CLUAP1: variants seen among roughly 807,000 people sequenced by gnomAD.
CLUAP1 encodes intraflagellar transport 38.
In CLUAP1, 50 loss-of-function variants were observed where a neutral mutation model predicts 55.0. That is an observed-to-expected ratio of 0.91 (90% CI 0.72 to 1.15). CLUAP1 has a LOEUF of 1.15. CLUAP1 is among the 50% of genes most tolerant of loss of function. CLUAP1 has a pLI of 0.00. For synonymous variants in CLUAP1, 195 were observed against 175.4 expected, an observed-to-expected ratio of 1.11 and a Z score of -0.88; for missense variants, 530 against 507.6, an observed-to-expected ratio of 1.04 and a Z score of -0.42.
At chr16:3,506,517 CTT>C in intron 3 of CLUAP1, 102 bp downstream of exon 3, 1 of 953,628 alleles carries the variant, frequency 1.0e-6, no homozygotes, top group Non-Finnish European at 1.6e-6. Flanking sequence ...GTTTTTCTTT[CTT>C]TTTTTTTGAG....
intron 6 of CLUAP1, among the ~76,000 whole-genome samples, chr16:3,516,850 CAGG>C (rs1303321718): frequency 3.9e-5 from 6 of 152,134 alleles, no homozygotes; most frequent in Admixed American, 3.3e-4. Flanking sequence ...CAGAGTTGGG[CAGG>C]AGAAGTACGA....
intron 7 of CLUAP1, among the ~76,000 whole-genome samples, chr16:3,520,658 C>T (rs138113487): frequency 1.9e-3 from 291 of 152,246 alleles, no homozygotes; most frequent in African/African-American, 6.4e-3. Flanking sequence ...GAAATCCAGA[C>T]GTGGTCTCCT....
intron 4 of CLUAP1, among the ~76,000 whole-genome samples, chr16:3,509,305 A>G (rs944482096): frequency 6.6e-6 from 1 of 152,162 alleles, no homozygotes; most frequent in East Asian, 1.9e-4. Context: ...AGGCCGTGTG[A>G]TGAGGGTTGG....
At chr16:3,504,167 C>A (rs2037459942) in intron 1 of CLUAP1, among the ~76,000 whole-genome samples, 1 of 152,140 alleles carries the variant, frequency 6.6e-6, no homozygotes, top group Admixed American at 6.5e-5. Context: ...TTCAACCACT[C>A]TATTTAAGAT....
In CLUAP1 at chr16:3,515,533, G is replaced by A; in HGVS notation, c.521G>A (p.Arg174Lys). Residue 174 changes from arginine to lysine, a missense_variant, in exon 6 of 12, where the codon AGA becomes AAA. Transcript: ENST00000576634. ...LREMRTEAIA[R>K]PLEINETEKV... ...GAAATGAGAACAGAAGCCATTGCCA[G>A]ACCTCTGGAAATAAACGAGACTGAA... is the stretch of plus-strand genomic sequence containing the variant. 1 of 1,600,518 alleles carries A rather than the reference G, an allele frequency of 6.2e-7. No homozygotes were observed. The highest frequency in any genetic ancestry group is 1.8e-5 in the Admixed American group (1 of 55,502).
Position 3,529,728 on chromosome 16 carries a change from TA to T in CLUAP1, c.929-839del, listed in dbSNP as rs1567440189. On this transcript the variant is annotated intron_variant, in intron 9 of 11. Transcript: ENST00000576634. The stretch of plus-strand genomic sequence containing the variant: ...ATATATTATATAATATTATATATTA[TA>T]TATATTATTATATATTATATATTAT... 1.9e-4 allele frequency among the ~76,000 whole-genome samples: 6 copies of T among 31,324 alleles called. 2 individuals are homozygous for T. The highest frequency in any genetic ancestry group is 3.0e-4 in the Non-Finnish European group (6 of 20,048). 20.5% of individuals were successfully genotyped at this position (31,324 alleles called of 152,430 possible).
intron 5 of CLUAP1, among the ~76,000 whole-genome samples, chr16:3,513,957 T>TC (rs2037682989): frequency 6.6e-6 from 1 of 152,312 alleles, no homozygotes; most frequent in South Asian, 2.1e-4. Context: ...GAAGAGGGAC[T>TC]TAGGTGCTAG....
intron 9 of CLUAP1, 112 bp downstream of exon 9, chr16:3,526,596 TC>T: frequency 1.8e-6 from 1 of 544,952 alleles, no homozygotes; most frequent in Non-Finnish European, 2.6e-6. Flanking sequence ...CTTCTTTTTT[TC>T]AGCAGTTTTT....
In CLUAP1 at chr16:3,524,672, G is replaced by T. The variant is rs2037907984; in HGVS notation, c.855+1373G>T. Among the ~76,000 whole-genome samples, 3 of 151,888 alleles carry T rather than the reference G, an allele frequency of 2.0e-5. No homozygotes were observed. The South Asian group carries it at 6.2e-4, about 32-fold the overall frequency. On this transcript the variant is annotated intron_variant, in intron 8 of 11. Transcript: ENST00000576634. ...ATTGAATCACCAGAATAGCTCATTGGAGATTGTTTTGTAAAGAGGAATGGC... is the reference window on the plus strand; with the variant it reads ...ATTGAATCACCAGAATAGCTCATTGTAGATTGTTTTGTAAAGAGGAATGGC...
At chr16:3,496,175 G>T, upstream of CLUAP1, 1 of 512,228 alleles carries the variant, frequency 2.0e-6, no homozygotes, top group Non-Finnish European at 3.7e-6. Context: ...CATCTTTCCG[G>T]ACCTGGCCAA....
At position 3,538,297 on chromosome 16, in the gene CLUAP1, T is replaced by C. The variant is rs2038275063; in HGVS notation, c.*2026T>C. ...CTTTTTTCTCTTTCTTTTCCTAAAT[T>C]TTATGTATAAGATTACCCCTAAAAA... On this transcript the variant is annotated 3_prime_UTR_variant, in exon 12 of 12. Transcript: ENST00000576634. 6.6e-6 allele frequency: 1 copy of C among 151,646 alleles called. No individual in the cohort carries two copies. Among genetic ancestry groups the C allele is most frequent in the Non-Finnish European group, 1.5e-5 (1 of 67,936 alleles). The allele number at this position is 151,646 out of a possible 1,614,324, so 9.4% of individuals were successfully genotyped here. A position where few individuals can be genotyped will look rare whatever the true frequency, so the allele number is the denominator to read the frequency against.
rs144758956 is a variant in CLUAP1 at position 3,532,781 on chromosome 16, C to G, written c.1037-5C>G. The stretch of plus-strand genomic sequence containing the variant: ...ATGACTTCTTCATGCTTTTGTTGTT[C>G]TCAGGAAGACCTGGCAAACGCATTG... On this transcript the variant is annotated splice_region_variant and splice_polypyrimidine_tract_variant and intron_variant, in intron 10 of 11. Coordinates refer to ENST00000576634, the MANE Select transcript of CLUAP1 (RefSeq NM_015041.3). 2 of 1,613,930 alleles carry G rather than the reference C, an allele frequency of 1.2e-6. No individual in the cohort carries two copies. Among genetic ancestry groups the G allele is most frequent in the African/African-American group, 1.3e-5 (1 of 74,966 alleles).
intron 9 of CLUAP1, among the ~76,000 whole-genome samples, chr16:3,528,929 C>T (rs2038001509): frequency 6.6e-6 from 1 of 152,130 alleles, no homozygotes; most frequent in African/African-American, 2.4e-5. Context: ...TCAGTGTCAG[C>T]ATGCATTAAT....
chr16:3,536,096 T>C (rs759625818), intron 11 of CLUAP1, 26 bp from the exon 12 acceptor site: 5 of 1,611,792 alleles, frequency 3.1e-6, no homozygotes, highest in Non-Finnish European at 4.2e-6. Context: ...GGATCCCCCG[T>C]TGCATCTGCC....
intron 3 of CLUAP1, among the ~76,000 whole-genome samples, chr16:3,507,195 T>TA (rs771481481): frequency 0.02 from 2,614 of 131,478 alleles, 65 homozygotes; most frequent in African/African-American, 0.058. Context: ...GACTCTGTCT[T>TA]AAAAAAAAAA....
chr16:3,529,802 TTATA>T (rs1194999821), intron 9 of CLUAP1, among the ~76,000 whole-genome samples: 4 of 25,826 alleles, frequency 1.5e-4, no homozygotes, highest in African/African-American at 6.1e-4. Flanking sequence ...TATTATATTA[TTATA>T]TATATATTAT....
chr16:3,508,665 T>C (rs2037557120), intron 4 of CLUAP1, among the ~76,000 whole-genome samples, 197 bp downstream of exon 4: 1 of 152,142 alleles, frequency 6.6e-6, no homozygotes, highest in Admixed American at 6.5e-5. Flanking sequence ...AGCTTAGTAT[T>C]TGTCAGGTAG....
At chr16:3,519,610 A>G (rs1440465873) in intron 6 of CLUAP1, among the ~76,000 whole-genome samples, 4 of 152,196 alleles carry the variant, frequency 2.6e-5, no homozygotes, top group African/African-American at 9.7e-5. Context: ...AAAAGACTGC[A>G]GGCCTCTCCA....
chr16:3,530,011 G>A (rs1009888216), intron 9 of CLUAP1, among the ~76,000 whole-genome samples: 1 of 144,602 alleles, frequency 6.9e-6, no homozygotes, highest in East Asian at 2.0e-4. Flanking sequence ...AAACTTACTT[G>A]TCTGAAATTT....
Sources: gnomAD v4.1 joint callset for allele counts (sites outside exome capture counted in the v4.1 genomes callset) on GRCh38, gnomAD v4.1.1 for gene constraint, MANE v1.5 for transcripts, NCBI Gene and HGNC (gene_info 2026-07-23, HGNC 2026-07-21) for gene names.